CFAP47: variants seen among roughly 807,000 people sequenced by gnomAD.
CFAP47 encodes the protein cilia- and flagella-associated protein 47.
CFAP47 carries 29 observed loss-of-function variants against 148.1 expected under a neutral mutation model. That is an observed-to-expected ratio of 0.20 (90% confidence interval 0.15 to 0.27). CFAP47 has a LOEUF of 0.27. Ranked by LOEUF, CFAP47 falls within the 10% of genes least tolerant of loss-of-function variation. CFAP47 has a pLI of 1.00. For synonymous variants in CFAP47, 664 were observed against 577.3 expected (o/e 1.15, Z -2.15); for missense variants, 1,872 against 1,697.5 (o/e 1.10, Z -1.81).
rs189862768 is a variant in CFAP47 at position 36,095,030 on chromosome X, T to C, written c.4917-3763T>C. ...TGGGTCTGTCATATATGGATTTTAT[T>C]CTTTTGAGGTATATTCCTTCCATAT... is the stretch of plus-strand genomic sequence containing the variant. On this transcript the variant is annotated intron_variant, in intron 30 of 63. Coordinates refer to ENST00000378653, the MANE Select transcript of CFAP47 (RefSeq NM_001304548.2). 1.3e-4 allele frequency among the ~76,000 whole-genome samples: 14 copies of C among 111,338 alleles called. No individual in the cohort carries two copies. In the Admixed American group the frequency reaches 1.3e-3, roughly 11 times the overall value.
chrX:35,942,274 T>C (rs1240776048), intron 3 of CFAP47, among the ~76,000 whole-genome samples: 4 of 111,547 alleles, frequency 3.6e-5, no homozygotes, highest in Non-Finnish European at 7.5e-5. Context: ...TTCCACTAAC[T>C]GAGAGTGTTC....
intron 37 of CFAP47, among the ~76,000 whole-genome samples, chrX:36,158,450 A>G (rs1939393492): frequency 8.9e-6 from 1 of 112,235 alleles, no homozygotes; most frequent in Non-Finnish European, 1.9e-5. Flanking sequence ...AATCAAAGGT[A>G]CTAGATTCAC....
intron 1 of CFAP47, among the ~76,000 whole-genome samples, chrX:35,920,334 CTG>C (rs770909471): frequency 1.3e-3 from 141 of 112,002 alleles, no homozygotes; most frequent in African/African-American, 4.2e-3. Context: ...ATCCCAAAAT[CTG>C]TGCAACTTGG....
intron 49 of CFAP47, among the ~76,000 whole-genome samples, chrX:36,269,226 A>G (rs190384165): frequency 1.1e-3 from 124 of 112,382 alleles, no homozygotes; most frequent in African/African-American, 3.8e-3. Context: ...AAAATAAATG[A>G]AAACTTTACA....
rs771937430 is a variant in CFAP47, at chrX:35,990,617, T to G, written c.2844+1168T>G. ...TCATTTGACACCTTCTTTTCCATAC[T>G]TAGGTGAGCCTTCAACTCTTTCCTT... On this transcript the variant is annotated intron_variant, in intron 16 of 63. Coordinates refer to ENST00000378653, the MANE Select transcript of CFAP47 (RefSeq NM_001304548.2). Among the ~76,000 whole-genome samples the G allele has an allele frequency of 7.2e-5, 8 of 111,521 alleles. No homozygotes were observed. The South Asian group carries it at 2.6e-3, about 37-fold the overall frequency.
chrX:36,239,171 A>G (rs782488966), intron 48 of CFAP47, among the ~76,000 whole-genome samples: 123 of 112,486 alleles, frequency 1.1e-3, no homozygotes, highest in Non-Finnish European at 1.7e-3. Context: ...AAATAATTAT[A>G]TAATAAAGAA....
intron 42 of CFAP47, among the ~76,000 whole-genome samples, chrX:36,199,618 T>C (rs1298305289): frequency 9.0e-6 from 1 of 111,714 alleles, no homozygotes; most frequent in Non-Finnish European, 1.9e-5. Context: ...TGATACAAAG[T>C]TGTTTGACAG....
In CFAP47 at chrX:36,307,371, G is replaced by A. The variant is rs142121629; in HGVS notation, c.8187+495G>A. ...AGAATTATCCCAATTCATTCTCACC[G>A]TAGTCCTATAATGGAAGTACTGTTA... On this transcript the variant is annotated intron_variant, in intron 55 of 63. Coordinates refer to ENST00000378653, the MANE Select transcript of CFAP47 (RefSeq NM_001304548.2). Among the ~76,000 whole-genome samples the A allele has an allele frequency of 6.4e-3, 711 of 110,698 alleles. 1 individual carries two copies. Among genetic ancestry groups the A allele is most frequent in the African/African-American group, 0.022 (666 of 30,534 alleles).
At chrX:35,941,589 C>G (rs1936010535) in intron 3 of CFAP47, among the ~76,000 whole-genome samples, 191 bp downstream of exon 3, 1 of 111,559 alleles carries the variant, frequency 9.0e-6, no homozygotes, top group Non-Finnish European at 1.9e-5. Context: ...AATGAACCTT[C>G]CTCCTTATGA....
intron 15 of CFAP47, among the ~76,000 whole-genome samples, chrX:35,983,263 G>A (rs1231323422): frequency 1.8e-5 from 2 of 111,411 alleles, no homozygotes; most frequent in African/African-American, 6.5e-5. Context: ...CATTGTTGTT[G>A]TATAGAAAAG....
intron 57 of CFAP47, among the ~76,000 whole-genome samples, chrX:36,342,899 A>G (rs1207369783): frequency 9.0e-6 from 1 of 111,117 alleles, no homozygotes; most frequent in African/African-American, 3.3e-5. Context: ...GCACCTATCA[A>G]CTGTCATCTA....
At chrX:36,142,354 T>C (rs1174164516) in intron 35 of CFAP47, among the ~76,000 whole-genome samples, 1 of 111,358 alleles carries the variant, frequency 9.0e-6, no homozygotes, top group East Asian at 2.8e-4. Flanking sequence ...TTTGTTATGA[T>C]TTTTATGATT....
chrX:36,209,772 T>C (rs1341757823), intron 45 of CFAP47, among the ~76,000 whole-genome samples: 1 of 111,603 alleles, frequency 9.0e-6, no homozygotes, highest in Admixed American at 9.6e-5. Context: ...AATTCACAAA[T>C]TTAAAGTGTA....
intron 29 of CFAP47, among the ~76,000 whole-genome samples, chrX:36,074,422 A>G (rs1460478594): frequency 1.8e-5 from 2 of 111,914 alleles, no homozygotes; most frequent in Non-Finnish European, 3.8e-5. Context: ...ATATACAAGT[A>G]GAATAGCAGA....
At chrX:36,293,780 A>G (rs1361389476) in intron 51 of CFAP47, among the ~76,000 whole-genome samples, 3 of 111,551 alleles carry the variant, frequency 2.7e-5, no homozygotes, top group Admixed American at 9.6e-5. Flanking sequence ...TCTTTAGCCC[A>G]TCACCCATTT....
At chrX:36,299,491 A>G (rs1320845631) in intron 52 of CFAP47, among the ~76,000 whole-genome samples, 2 of 111,933 alleles carry the variant, frequency 1.8e-5, no homozygotes, top group African/African-American at 3.2e-5. Context: ...AATTTTCTTG[A>G]GGAAAATTAA....
chrX:35,999,104 A>G (rs923530836), intron 19 of CFAP47, among the ~76,000 whole-genome samples: 7 of 112,005 alleles, frequency 6.2e-5, no homozygotes, highest in African/African-American at 2.3e-4. Flanking sequence ...ATGAGCACAT[A>G]TACAATGCTC....
At chrX:36,244,236 A>G (rs1555996610) in intron 48 of CFAP47, among the ~76,000 whole-genome samples, 1 of 111,796 alleles carries the variant, frequency 8.9e-6, no homozygotes, top group Non-Finnish European at 1.9e-5. Context: ...AGCTAAAGCG[A>G]TGTTAAGAGA....
At chrX:36,154,231 T>C (rs1939340806) in intron 37 of CFAP47, among the ~76,000 whole-genome samples, 1 of 112,383 alleles carries the variant, frequency 8.9e-6, no homozygotes, top group African/African-American at 3.2e-5. Context: ...CTATATGCAT[T>C]CAATAGAAGC....
Sources: gnomAD v4.1 joint callset for allele counts (sites outside exome capture counted in the v4.1 genomes callset) on GRCh38, gnomAD v4.1.1 for gene constraint, MANE v1.5 for transcripts, NCBI Gene and HGNC (gene_info 2026-07-23, HGNC 2026-07-21) for gene names.